Variants in DNER observed in about 807,000 individuals in gnomAD.
The protein encoded by DNER is delta/notch like EGF repeat containing.
A neutral mutation model predicts 78.2 loss-of-function variants in DNER; 33 were observed. The observed-to-expected ratio is 0.42, with a 90% CI of 0.32 to 0.56. DNER has a LOEUF of 0.56. DNER is among the 20% of genes least tolerant of loss of function. The pLI is 0.11. For synonymous variants in DNER, 417 were observed against 384.8 expected, an observed-to-expected ratio of 1.08 and a Z score of -0.98; for missense variants, 918 against 975.3, an observed-to-expected ratio of 0.94 and a Z score of 0.78.
At chr2:229,638,992 G>A (rs938343560) in intron 1 of DNER, among the ~76,000 whole-genome samples, 3 of 152,144 alleles carry the variant, frequency 2.0e-5, no homozygotes, top group Non-Finnish European at 2.9e-5. Context: ...GGACTCACCT[G>A]ACGCAGAGCC....
At chr2:229,699,726 A>C (rs1699714132) in intron 1 of DNER, among the ~76,000 whole-genome samples, 1 of 152,232 alleles carries the variant, frequency 6.6e-6, no homozygotes, top group Non-Finnish European at 1.5e-5. Context: ...CTTGGACAAA[A>C]TAGAATTTTT....
At chr2:229,606,998 C>T (rs1697953786) in intron 1 of DNER, among the ~76,000 whole-genome samples, 3 of 152,178 alleles carry the variant, frequency 2.0e-5, no homozygotes, top group Admixed American at 2.0e-4. Context: ...GACTCACGCA[C>T]ATGCCTGTGT....
intron 10 of DNER, among the ~76,000 whole-genome samples, chr2:229,390,261 A>G (rs1692985738): frequency 6.6e-6 from 1 of 152,226 alleles, no homozygotes. Flanking sequence ...GAAACAGCCC[A>G]CATTTCCCTA....
At position 229,681,863 on chromosome 2, in the gene DNER, CACAA is replaced by C. The variant is rs139834797; in HGVS notation, c.276+32281_276+32284del. Among the ~76,000 whole-genome samples, 1,047 of 150,540 alleles carry C rather than the reference CACAA, an allele frequency of 7.0e-3. 9 individuals carry two copies. Among genetic ancestry groups the C allele is most frequent in the Middle Eastern group, 0.051 (15 of 292 alleles). On this transcript the variant is annotated intron_variant, in intron 1 of 12. Transcript: ENST00000341772. ...ACACACACACACACACACACACACA[CACAA>C]ATGTATCGTATAACATGTTTATAAA...
chr2:229,628,421 T>C (rs1189586979), intron 1 of DNER, among the ~76,000 whole-genome samples: 1 of 152,118 alleles, frequency 6.6e-6, no homozygotes, highest in African/African-American at 2.4e-5. Context: ...AGTTTTGGGG[T>C]AATTTGTTAC....
At chr2:229,672,614 GAGA>G (rs1574556430) in intron 1 of DNER, among the ~76,000 whole-genome samples, 2 of 151,100 alleles carry the variant, frequency 1.3e-5, no homozygotes, top group South Asian at 2.1e-4. Context: ...GAGGGAGGGA[GAGA>G]AGAAGAGAAA....
At chr2:229,615,631 G>A (rs186673439) in intron 1 of DNER, among the ~76,000 whole-genome samples, 35 of 152,260 alleles carry the variant, frequency 2.3e-4, no homozygotes, top group African/African-American at 7.9e-4. Flanking sequence ...AGAATGGTGT[G>A]AACCCAGGAG....
At chr2:229,549,633 C>T (rs957059399) in intron 4 of DNER, among the ~76,000 whole-genome samples, 15 of 152,104 alleles carry the variant, frequency 9.9e-5, no homozygotes, top group Admixed American at 7.2e-4. Flanking sequence ...TAACATAGGC[C>T]GGGCATGGTG....
intron 3 of DNER, chr2:229,586,549 A>C (rs113207250): frequency 0.014 from 1,225 of 89,578 alleles, 17 homozygotes; most frequent in South Asian, 0.027. Flanking sequence ...AAAAAAAAAA[A>C]ACACACAAAA....
intron 5 of DNER, among the ~76,000 whole-genome samples, chr2:229,541,490 A>T (rs1696512694): frequency 6.6e-6 from 1 of 152,138 alleles, no homozygotes; most frequent in African/African-American, 2.4e-5. Flanking sequence ...CATTATTGGA[A>T]CGCTAAGCCT....
chr2:229,585,731 G>T, intron 4 of DNER, 127 bp downstream of exon 4: 1 of 933,970 alleles, frequency 1.1e-6, no homozygotes, highest in Non-Finnish European at 1.6e-6. Context: ...TTACCAAAGT[G>T]AAAGAAATAG....
intron 10 of DNER, among the ~76,000 whole-genome samples, chr2:229,399,983 A>T (rs1008714898): frequency 2.0e-5 from 3 of 152,018 alleles, no homozygotes; most frequent in African/African-American, 7.2e-5. Flanking sequence ...AGGATTGATA[A>T]GACTAAATGC....
At chr2:229,713,797 C>A (rs532833184) in intron 1 of DNER, among the ~76,000 whole-genome samples, 1 of 152,296 alleles carries the variant, frequency 6.6e-6, no homozygotes, top group South Asian at 2.1e-4. Flanking sequence ...CTCCTCCGCG[C>A]TGCCAAGGCG....
At chr2:229,440,665 A>C (rs1376306911) in intron 8 of DNER, among the ~76,000 whole-genome samples, 12 of 152,154 alleles carry the variant, frequency 7.9e-5, no homozygotes, top group Admixed American at 2.0e-4. Flanking sequence ...TTCCAGCCCC[A>C]AGTAAGAACC....
chr2:229,558,219 G>A (rs575803334), intron 4 of DNER, among the ~76,000 whole-genome samples: 26 of 152,220 alleles, frequency 1.7e-4, no homozygotes, highest in African/African-American at 5.1e-4. Flanking sequence ...ACACACTGGC[G>A]CCTTTTGGAG....
At chr2:229,548,570 C>T (rs1283537043) in intron 4 of DNER, among the ~76,000 whole-genome samples, 2 of 151,914 alleles carry the variant, frequency 1.3e-5, no homozygotes, top group Non-Finnish European at 2.9e-5. Context: ...GGGAGGGGAA[C>T]ATCACACACT....
intron 6 of DNER, among the ~76,000 whole-genome samples, chr2:229,492,275 A>G (rs1237270078): frequency 6.6e-6 from 1 of 152,230 alleles, no homozygotes; most frequent in Admixed American, 6.5e-5. Context: ...AGGTCACACA[A>G]CCAGTAGGTA....
intron 12 of DNER, among the ~76,000 whole-genome samples, chr2:229,364,376 G>A (rs1429332037): frequency 6.6e-6 from 1 of 152,028 alleles, no homozygotes; most frequent in Non-Finnish European, 1.5e-5. Context: ...AGGACCCACT[G>A]GAGACATAGA....
chr2:229,693,271 T>C (rs1344086445), intron 1 of DNER, among the ~76,000 whole-genome samples: 4 of 151,758 alleles, frequency 2.6e-5, no homozygotes, highest in African/African-American at 7.3e-5. Flanking sequence ...CCTTCCATCA[T>C]GATTGTAAGT....
Sources: allele counts gnomAD v4.1 joint callset (sites outside exome capture counted in the v4.1 genomes callset), GRCh38; gene constraint gnomAD v4.1.1; transcripts MANE v1.5; gene names NCBI Gene and HGNC (gene_info 2026-07-23, HGNC 2026-07-21).